Variants in ST6GALNAC3 observed in about 807,000 individuals in gnomAD.
The protein encoded by ST6GALNAC3 is alpha-N-acetylgalactosaminide alpha-2,6-sialyltransferase 3.
In ST6GALNAC3, 25 loss-of-function variants were observed where a neutral mutation model predicts 32.7. The observed-to-expected ratio is 0.76, with a 90% CI of 0.56 to 1.07. The LOEUF (loss-of-function observed/expected upper bound fraction) is 1.07. Ranked by LOEUF, ST6GALNAC3 falls within the 50% of genes least tolerant of loss-of-function variation. The pLI, the probability that ST6GALNAC3 is intolerant of heterozygous loss-of-function variation, is 0.00. For synonymous variants in ST6GALNAC3, 129 were observed against 133.1 expected, an observed-to-expected ratio of 0.97 and a Z score of 0.21; for missense variants, 355 against 382.4, an observed-to-expected ratio of 0.93 and a Z score of 0.60.
intron 1 of ST6GALNAC3, chr1:76,309,969 C>G (rs1475927473): frequency 2.0e-6 from 1 of 497,070 alleles, no homozygotes. Context: ...TTATTTTTCT[C>G]TCACGTATGC....
chr1:76,545,364 A>G (rs1458947817), intron 3 of ST6GALNAC3, among the ~76,000 whole-genome samples: 1 of 152,152 alleles, frequency 6.6e-6, no homozygotes, highest in Non-Finnish European at 1.5e-5. Flanking sequence ...ACACTTGCAT[A>G]AATATCGCCT....
intron 3 of ST6GALNAC3, among the ~76,000 whole-genome samples, chr1:76,573,327 C>A (rs1221460634): frequency 6.6e-6 from 1 of 152,140 alleles, no homozygotes; most frequent in Non-Finnish European, 1.5e-5. Flanking sequence ...ATCATTGCAT[C>A]TCCTGCCTCC....
At chr1:76,145,613 C>G (rs1650630613) in intron 1 of ST6GALNAC3, among the ~76,000 whole-genome samples, 1 of 152,200 alleles carries the variant, frequency 6.6e-6, no homozygotes, top group Non-Finnish European at 1.5e-5. Flanking sequence ...ACTTAAAACT[C>G]ACTTCTGATT....
chr1:76,217,282 T>G (rs2100592627), intron 1 of ST6GALNAC3, among the ~76,000 whole-genome samples: 1 of 152,356 alleles, frequency 6.6e-6, no homozygotes, highest in Non-Finnish European at 1.5e-5. Context: ...CCTTTCATTT[T>G]TAGAACTAGA....
intron 1 of ST6GALNAC3, among the ~76,000 whole-genome samples, chr1:76,216,129 G>C (rs1170476652): frequency 1.3e-5 from 2 of 152,070 alleles, no homozygotes; most frequent in African/African-American, 4.8e-5. Context: ...TGCACTTGCT[G>C]TTCTTCTTGG....
At chr1:76,404,505 A>G (rs1351836016) in intron 2 of ST6GALNAC3, among the ~76,000 whole-genome samples, 1 of 152,114 alleles carries the variant, frequency 6.6e-6, no homozygotes, top group African/African-American at 2.4e-5. Context: ...CAGATTGTTA[A>G]TGCCTCTTTT....
At chr1:76,273,394 T>C (rs1658961783) in intron 1 of ST6GALNAC3, among the ~76,000 whole-genome samples, 1 of 152,090 alleles carries the variant, frequency 6.6e-6, no homozygotes, top group Non-Finnish European at 1.5e-5. Flanking sequence ...AAATAGTGAA[T>C]AAAAAGTTAA....
intron 1 of ST6GALNAC3, among the ~76,000 whole-genome samples, chr1:76,203,115 T>C (rs1654626292): frequency 6.6e-6 from 1 of 152,198 alleles, no homozygotes; most frequent in African/African-American, 2.4e-5. Context: ...CTAGGGTACA[T>C]GCCAAAGGAA....
chr1:76,356,434 TAAA>T (rs3079481), intron 2 of ST6GALNAC3, among the ~76,000 whole-genome samples: 1 of 120,418 alleles, frequency 8.3e-6, no homozygotes. Context: ...ACAGTAGGGT[TAAA>T]AAAAAAAAAA....
rs1553158543 is a variant in ST6GALNAC3 at position 76,139,213 on chromosome 1, A to AAT, written c.18+64330_18+64331dup. 1.9e-4 allele frequency among the ~76,000 whole-genome samples: 29 copies of AAT among 152,114 alleles called. 1 individual carries two copies. The highest frequency in any genetic ancestry group is 6.3e-4 in the African/African-American group (26 of 41,476). On this transcript the variant is annotated intron_variant, in intron 1 of 4. Transcript: ENST00000328299. ...CGTCTCAATGGAAAAAAAAAAAAAA[A>AAT]ATCTATGCACCTACACATACATGCA...
At chr1:76,168,635 C>T (rs555303984) in intron 1 of ST6GALNAC3, among the ~76,000 whole-genome samples, 3 of 152,208 alleles carry the variant, frequency 2.0e-5, no homozygotes, top group African/African-American at 4.8e-5. Flanking sequence ...ACTTGCTTTA[C>T]GAATCTGAGT....
At chr1:76,306,700 A>C (rs1661083209) in intron 1 of ST6GALNAC3, among the ~76,000 whole-genome samples, 1 of 150,620 alleles carries the variant, frequency 6.6e-6, no homozygotes, top group Non-Finnish European at 1.5e-5. Context: ...GGGTGCAGAC[A>C]TTATTGAGAA....
chr1:76,318,960 A>G (rs996525960), intron 2 of ST6GALNAC3, among the ~76,000 whole-genome samples: 5 of 152,106 alleles, frequency 3.3e-5, no homozygotes, highest in Non-Finnish European at 7.4e-5. Context: ...GTAGTTGCCT[A>G]TGAGGGACTC....
chr1:76,617,729 C>A (rs1648391016), intron 3 of ST6GALNAC3, among the ~76,000 whole-genome samples: 1 of 152,112 alleles, frequency 6.6e-6, no homozygotes, highest in South Asian at 2.1e-4. Flanking sequence ...TAGAGGTCAT[C>A]CAATCCAACT....
At chr1:76,576,258 T>A (rs1455339016) in intron 3 of ST6GALNAC3, among the ~76,000 whole-genome samples, 1 of 152,072 alleles carries the variant, frequency 6.6e-6, no homozygotes. Flanking sequence ...ATGATAGTGT[T>A]TTTGTTCTTA....
intron 1 of ST6GALNAC3, among the ~76,000 whole-genome samples, chr1:76,251,121 A>G (rs1249079873): frequency 1.3e-5 from 2 of 152,014 alleles, no homozygotes; most frequent in Non-Finnish European, 2.9e-5. Flanking sequence ...TTCCACCTTC[A>G]ACAATGTATT....
intron 1 of ST6GALNAC3, among the ~76,000 whole-genome samples, chr1:76,173,946 G>T (rs1162752633): frequency 1.3e-5 from 2 of 152,090 alleles, no homozygotes; most frequent in Non-Finnish European, 2.9e-5. Flanking sequence ...CAATGATCTA[G>T]AACCAGAAAT....
intron 3 of ST6GALNAC3, among the ~76,000 whole-genome samples, chr1:76,458,719 A>T (rs1014155701): frequency 8.8e-6 from 1 of 113,252 alleles, no homozygotes; most frequent in African/African-American, 3.5e-5. Flanking sequence ...GGAACATCAC[A>T]CTCTGGGGAC....
At chr1:76,107,124 T>C (rs1165241332) in intron 1 of ST6GALNAC3, among the ~76,000 whole-genome samples, 2 of 152,222 alleles carry the variant, frequency 1.3e-5, no homozygotes, top group Non-Finnish European at 2.9e-5. Flanking sequence ...ACTTACATTG[T>C]GGGTTTACAG....
Sources: allele counts gnomAD v4.1 joint callset (sites outside exome capture counted in the v4.1 genomes callset), GRCh38; gene constraint gnomAD v4.1.1; transcripts MANE v1.5; gene names NCBI Gene and HGNC (gene_info 2026-07-23, HGNC 2026-07-21).